The following AKAP19 variants were observed in gnomAD, a reference collection of about 807,000 sequenced individuals.
The protein encoded by AKAP19 is small A-kinase anchoring protein.
the AKAP19 span, among the ~76,000 whole-genome samples, chr2:189,982,369 A>C: frequency 6.6e-6 from 1 of 151,772 alleles, no homozygotes. Flanking sequence ...TTTTTTTCTT[A>C]ATATTATTCT....
chr2:189,916,115 T>C, the AKAP19 span, among the ~76,000 whole-genome samples: 2 of 152,206 alleles, frequency 1.3e-5, no homozygotes, highest in South Asian at 2.1e-4. Flanking sequence ...ACTTTTACTT[T>C]GGGATATTTG....
chr2:190,063,880 A>C, the AKAP19 span, among the ~76,000 whole-genome samples: 1 of 152,152 alleles, frequency 6.6e-6, no homozygotes, highest in African/African-American at 2.4e-5. Context: ...ATCTAGTCAA[A>C]TGAACTATTA....
chr2:190,072,065 T>C, the AKAP19 span, among the ~76,000 whole-genome samples: 5 of 152,282 alleles, frequency 3.3e-5, no homozygotes, highest in Admixed American at 3.3e-4. Context: ...AAAGCAGTAG[T>C]AGCAATGCAG....
chr2:189,894,560 A>G, the AKAP19 span, among the ~76,000 whole-genome samples: 1 of 152,018 alleles, frequency 6.6e-6, no homozygotes, highest in Non-Finnish European at 1.5e-5. Context: ...GGATCACCTC[A>G]TCTGGTCTCT....
chr2:190,194,718 C>T, the AKAP19 span, among the ~76,000 whole-genome samples: 5 of 152,154 alleles, frequency 3.3e-5, no homozygotes, highest in African/African-American at 9.7e-5. Context: ...CCCTTGGCAA[C>T]CACTGGTCTT....
the AKAP19 span, among the ~76,000 whole-genome samples, chr2:189,963,543 A>G: frequency 3.9e-5 from 6 of 152,054 alleles, no homozygotes; most frequent in African/African-American, 1.4e-4. Context: ...TGTTTCCACC[A>G]TATCTGCAGT....
the AKAP19 span, among the ~76,000 whole-genome samples, chr2:189,910,530 A>G: frequency 1.3e-5 from 2 of 151,920 alleles, no homozygotes; most frequent in Admixed American, 6.6e-5. Flanking sequence ...TATCATAAGA[A>G]TTTGGAATGT....
the AKAP19 span, among the ~76,000 whole-genome samples, chr2:189,889,549 G>C: frequency 6.6e-6 from 1 of 152,114 alleles, no homozygotes; most frequent in Admixed American, 6.6e-5. Context: ...CTGTGAATCT[G>C]TCTGGTCCTG....
chr2:190,154,020 A>G, the AKAP19 span, among the ~76,000 whole-genome samples: 110 of 152,362 alleles, frequency 7.2e-4, no homozygotes, highest in East Asian at 0.021. Context: ...AACATATGTA[A>G]GCAATAATTA....
At chr2:190,146,349 A>G in the AKAP19 span, among the ~76,000 whole-genome samples, 1 of 152,192 alleles carries the variant, frequency 6.6e-6, no homozygotes, top group Non-Finnish European at 1.5e-5. Context: ...GTATTCCGTC[A>G]TTTATATATA....
At chr2:190,051,819 ATTT>A in the AKAP19 span, among the ~76,000 whole-genome samples, 5 of 145,284 alleles carry the variant, frequency 3.4e-5, no homozygotes, top group African/African-American at 1.3e-4. Context: ...TATTTTTTTT[ATTT>A]TTTATTTATT....
chr2:189,930,640 C>T, the AKAP19 span: 1 of 328,144 alleles, frequency 3.0e-6, no homozygotes, highest in Non-Finnish European at 6.0e-6. Context: ...CGCGCCACTG[C>T]ACTCCAGCCT....
At chr2:190,075,265 A>AT in the AKAP19 span, among the ~76,000 whole-genome samples, 22 of 152,254 alleles carry the variant, frequency 1.4e-4, no homozygotes, top group South Asian at 8.3e-4. Context: ...GGTATTATTT[A>AT]TATCATTTTA....
the AKAP19 span, among the ~76,000 whole-genome samples, chr2:189,946,290 A>C: frequency 6.6e-6 from 1 of 152,212 alleles, no homozygotes; most frequent in Non-Finnish European, 1.5e-5. Context: ...ATATGAATCT[A>C]TCTCTTAGGT....
the AKAP19 span, among the ~76,000 whole-genome samples, chr2:190,118,782 GAAGCAT>G: frequency 6.6e-6 from 1 of 152,182 alleles, no homozygotes; most frequent in African/African-American, 2.4e-5. Context: ...GCAAAAACTG[GAAGCAT>G]TCCCTTTGAA....
chr2:190,175,468 T>TA, the AKAP19 span, among the ~76,000 whole-genome samples: 1 of 152,234 alleles, frequency 6.6e-6, no homozygotes, highest in African/African-American at 2.4e-5. Context: ...CACAATAGTC[T>TA]CATGCTCTGC....
At chr2:189,902,901 A>G in the AKAP19 span, among the ~76,000 whole-genome samples, 1 of 152,028 alleles carries the variant, frequency 6.6e-6, no homozygotes, top group African/African-American at 2.4e-5. Flanking sequence ...GCATTAAATA[A>G]AGTAAGTCTT....
the AKAP19 span, among the ~76,000 whole-genome samples, chr2:189,943,186 G>A: frequency 6.6e-6 from 1 of 152,204 alleles, no homozygotes. Flanking sequence ...CAGAGGCCTA[G>A]GAGGAAAGAA....
chr2:190,052,143 T>C, the AKAP19 span, among the ~76,000 whole-genome samples: 1 of 152,128 alleles, frequency 6.6e-6, no homozygotes, highest in Admixed American at 6.5e-5. Flanking sequence ...TTTACTATAA[T>C]TTTTATCCCA....
Sources: allele counts gnomAD v4.1 joint callset (sites outside exome capture counted in the v4.1 genomes callset), GRCh38; gene constraint gnomAD v4.1.1; transcripts MANE v1.5; gene names NCBI Gene and HGNC (gene_info 2026-07-23, HGNC 2026-07-21).